CALN1: variants seen among roughly 807,000 people sequenced by gnomAD.
CALN1 encodes calneuron 1.
A neutral mutation model predicts 30.6 loss-of-function variants in CALN1; 17 were observed. The ratio of observed to expected loss-of-function variants is 0.56; its 90% CI spans 0.38 to 0.83. The LOEUF (loss-of-function observed/expected upper bound fraction) is 0.83, where lower values mean the gene tolerates loss of function less well. CALN1 is among the 40% of genes least tolerant of loss of function. The pLI, the probability that CALN1 is intolerant of heterozygous loss-of-function variation, is 0.00. For synonymous variants in CALN1, 156 were observed against 131.4 expected (o/e 1.19, Z -1.28); for missense variants, 291 against 354.9 (o/e 0.82, Z 1.45).
chr7:72,271,818 T>A (rs1188386429), intron 3 of CALN1, among the ~76,000 whole-genome samples: 5 of 151,324 alleles, frequency 3.3e-5, no homozygotes, highest in African/African-American at 1.2e-4. Flanking sequence ...ATCCCAGCAC[T>A]TTGGAGGCTG....
chr7:72,194,694 C>T (rs1292553020), intron 3 of CALN1, among the ~76,000 whole-genome samples: 3 of 148,122 alleles, frequency 2.0e-5, no homozygotes, highest in Non-Finnish European at 4.4e-5. Context: ...TGGGTTCAAG[C>T]GATTCTCCTG....
At chr7:71,806,427 C>G (rs1787627463) in intron 6 of CALN1, among the ~76,000 whole-genome samples, 1 of 151,998 alleles carries the variant, frequency 6.6e-6, no homozygotes, top group African/African-American at 2.4e-5. Flanking sequence ...CTGTCTCAGC[C>G]TCCCGAGTAG....
chr7:72,208,932 A>G (rs1228254392), intron 3 of CALN1, among the ~76,000 whole-genome samples: 3 of 151,962 alleles, frequency 2.0e-5, no homozygotes, highest in African/African-American at 7.3e-5. Flanking sequence ...AATTCCAGTC[A>G]TGTTCTGTTT....
chr7:71,928,963 A>C (rs1474552092), intron 5 of CALN1, among the ~76,000 whole-genome samples: 1 of 151,402 alleles, frequency 6.6e-6, no homozygotes, highest in African/African-American at 2.4e-5. Flanking sequence ...CCTACCAGGG[A>C]CCCACTTCCC....
At chr7:72,378,105 C>CA (rs1804675830) in intron 2 of CALN1, among the ~76,000 whole-genome samples, 1 of 152,076 alleles carries the variant, frequency 6.6e-6, no homozygotes, top group South Asian at 2.1e-4. Flanking sequence ...CAAATGTTTT[C>CA]AACTAACAAC....
chr7:72,190,439 A>AG (rs2129546757), intron 3 of CALN1, among the ~76,000 whole-genome samples: 1 of 152,222 alleles, frequency 6.6e-6, no homozygotes, highest in East Asian at 1.9e-4. Context: ...TTTCAAGATG[A>AG]GGGAAGTGAC....
intron 3 of CALN1, among the ~76,000 whole-genome samples, chr7:72,180,367 C>G (rs1789677581): frequency 6.6e-6 from 1 of 152,094 alleles, no homozygotes. Context: ...TGTGCATTGT[C>G]AAGTTCTCCA....
intron 5 of CALN1, among the ~76,000 whole-genome samples, chr7:71,906,535 T>C (rs1794145573): frequency 6.6e-6 from 1 of 152,048 alleles, no homozygotes; most frequent in African/African-American, 2.4e-5. Flanking sequence ...ACGGGCTCAT[T>C]CATTGACAAA....
upstream of CALN1, among the ~76,000 whole-genome samples, chr7:72,414,118 A>G (rs1451917110): frequency 6.6e-6 from 1 of 152,116 alleles, no homozygotes; most frequent in Admixed American, 6.5e-5. Context: ...GTGAGGTATG[A>G]GACGGATTCA....
At chr7:72,101,447 A>G (rs2129540786) in intron 4 of CALN1, among the ~76,000 whole-genome samples, 1 of 152,292 alleles carries the variant, frequency 6.6e-6, no homozygotes, top group Admixed American at 6.5e-5. Flanking sequence ...TTTCAGAAAT[A>G]TCTCTAAAAT....
intron 2 of CALN1, among the ~76,000 whole-genome samples, chr7:72,346,986 T>C (rs1422980318): frequency 6.6e-6 from 1 of 151,874 alleles, no homozygotes; most frequent in African/African-American, 2.4e-5. Context: ...GAAGGAAAAG[T>C]GGGAATAGAG....
chr7:71,920,620 C>T (rs1794896276), intron 5 of CALN1, among the ~76,000 whole-genome samples: 3 of 152,166 alleles, frequency 2.0e-5, no homozygotes. Context: ...CAGGCGTGAG[C>T]CACAGCACCC....
At chr7:71,938,006 T>C (rs1331558804) in intron 5 of CALN1, among the ~76,000 whole-genome samples, 1 of 152,196 alleles carries the variant, frequency 6.6e-6, no homozygotes, top group African/African-American at 2.4e-5. Context: ...TTGGGAGGGT[T>C]AGGGAAAGAC....
At chr7:72,402,497 C>T (rs534574077) in intron 2 of CALN1, among the ~76,000 whole-genome samples, 3 of 152,306 alleles carry the variant, frequency 2.0e-5, no homozygotes, top group East Asian at 3.9e-4. Context: ...AGGATGTACC[C>T]ATTTATAGGA....
At chr7:72,139,172 A>G (rs554124112) in intron 3 of CALN1, among the ~76,000 whole-genome samples, 9 of 152,308 alleles carry the variant, frequency 5.9e-5, no homozygotes, top group Admixed American at 3.9e-4. Flanking sequence ...GCCAGAGCCC[A>G]TGGGCATCCG....
chr7:71,873,164 T>C (rs13243153), intron 5 of CALN1, among the ~76,000 whole-genome samples: 1 of 151,426 alleles, frequency 6.6e-6, no homozygotes, highest in Non-Finnish European at 1.5e-5. Flanking sequence ...CCACCACGCC[T>C]GGCTAATTTT....
At position 72,203,980 on chromosome 7, in the gene CALN1, T is replaced by TA. The variant is rs1554318835; in HGVS notation, c.244+74705_244+74706insT. Among the ~76,000 whole-genome samples the TA allele has an allele frequency of 2.4e-3, 63 of 26,012 alleles. 2 individuals are homozygous for TA. Among genetic ancestry groups the TA allele is most frequent in the East Asian group, 8.4e-3 (2 of 238 alleles). The allele number at this position is 26,012 out of a possible 152,430, so 17.1% of individuals were successfully genotyped here. On this transcript the variant is annotated intron_variant, in intron 3 of 6. Coordinates refer to ENST00000395275, the MANE Select transcript of CALN1 (RefSeq NM_031468.4). Reference sequence around the variant, plus strand: ...AGCCTTCATATAAGAGGCCTCTCTCTTTTTTTTTTTTTTTTTTTTTTTTTT... The same window carrying TA: ...AGCCTTCATATAAGAGGCCTCTCTCTATTTTTTTTTTTTTTTTTTTTTTTTT...
intron 3 of CALN1, among the ~76,000 whole-genome samples, chr7:72,182,036 G>A (rs946842836): frequency 1.3e-5 from 2 of 152,204 alleles, no homozygotes; most frequent in African/African-American, 2.4e-5. Context: ...GGTTAGGTGA[G>A]AAGTTAGTCA....
chr7:72,337,528 G>A (rs1802152522), intron 2 of CALN1: 1 of 154,538 alleles, frequency 6.5e-6, no homozygotes, highest in Non-Finnish European at 1.4e-5. Flanking sequence ...CCTTCCCAAA[G>A]AGGCTGCCCA....
Sources: gnomAD v4.1 joint callset for allele counts (sites outside exome capture counted in the v4.1 genomes callset) on GRCh38, gnomAD v4.1.1 for gene constraint, MANE v1.5 for transcripts, NCBI Gene and HGNC (gene_info 2026-07-23, HGNC 2026-07-21) for gene names.